The following ODAD2 variants were observed in gnomAD, a reference collection of about 807,000 sequenced individuals.
ODAD2 encodes outer dynein arm docking complex subunit 2.
Under a neutral mutation model 106.8 loss-of-function variants are expected in ODAD2, and 89 were observed. The observed-to-expected ratio is 0.83, with a 90% CI of 0.70 to 0.99. The LOEUF (loss-of-function observed/expected upper bound fraction) is 0.99. ODAD2 is among the 50% of genes least tolerant of loss of function. The probability of loss-of-function intolerance (pLI) is 0.00; values close to 1 mark genes in which losing one functional copy is unlikely to be tolerated. For missense variants in ODAD2, 1,168 were observed against 1,238.5 expected (o/e 0.94, Z 0.85); for synonymous variants, 404 against 436.2 (o/e 0.93, Z 0.92).
At chr10:27,885,769 T>A (rs1330959283) in intron 17 of ODAD2, among the ~76,000 whole-genome samples, 7 of 38,308 alleles carry the variant, frequency 1.8e-4, no homozygotes, top group South Asian at 7.3e-4. Context: ...TTTATATATA[T>A]TATATAAAAT....
chr10:27,872,160 C>T (rs1168901551), intron 17 of ODAD2, among the ~76,000 whole-genome samples: 1 of 151,926 alleles, frequency 6.6e-6, no homozygotes, highest in Admixed American at 6.6e-5. Flanking sequence ...CTCTGTTTGT[C>T]TGTTATTGGT....
chr10:27,935,608 T>C (rs1488532904), intron 15 of ODAD2, among the ~76,000 whole-genome samples: 4 of 152,028 alleles, frequency 2.6e-5, no homozygotes, highest in South Asian at 4.1e-4. Flanking sequence ...ATATGTTATA[T>C]ATTTTTGTTT....
At chr10:27,941,485 C>T (rs1189946888) in intron 12 of ODAD2, among the ~76,000 whole-genome samples, 1 of 132,910 alleles carries the variant, frequency 7.5e-6, no homozygotes, top group Non-Finnish European at 1.6e-5. Flanking sequence ...ATCCTGCCCC[C>T]CGAACCAAAA....
At chr10:27,926,820 A>G (rs775993229) in intron 16 of ODAD2, among the ~76,000 whole-genome samples, 13 of 152,090 alleles carry the variant, frequency 8.5e-5, no homozygotes, top group Non-Finnish European at 1.6e-4. Flanking sequence ...GGTCCCCAAA[A>G]CATAAATGTT....
At position 27,930,013 on chromosome 10, in the gene ODAD2, G is replaced by A. The variant is rs11817707; in HGVS notation, c.2495+4997C>T. Among the ~76,000 whole-genome samples, 1,097 of 151,996 alleles carry A rather than the reference G, an allele frequency of 7.2e-3. 9 individuals carry two copies. Among genetic ancestry groups the A allele is most frequent in the Non-Finnish European group, 0.012 (786 of 67,982 alleles). On this transcript the variant is annotated intron_variant, in intron 16 of 19. Coordinates refer to ENST00000305242, the MANE Select transcript of ODAD2 (RefSeq NM_018076.5). Reference sequence around the variant, plus strand: ...CCTCTTCTTGAGGAATACCAATTACGTTTATGTTGGCTCTCCTTGGGTTCC... The same window carrying A: ...CCTCTTCTTGAGGAATACCAATTACATTTATGTTGGCTCTCCTTGGGTTCC...
rs1564509365 is a variant in ODAD2, at chr10:27,924,013, A to AGAAAGAAAGAAAGAAAGAAAGG, written c.2495+10996_2495+10997insCCTTTCTTTCTTTCTTTCTTTC. ...AAGAAAGAAAGAAAGAAAGAAAGAA[A>AGAAAGAAAGAAAGAAAGAAAGG]GAAAGAAAGAAGGAAAGAGAAAGAA... is the stretch of plus-strand genomic sequence containing the variant. On this transcript the variant is annotated intron_variant, in intron 16 of 19. Transcript: ENST00000305242. Among the ~76,000 whole-genome samples the AGAAAGAAAGAAAGAAAGAAAGG allele has an allele frequency of 2.2e-4, 24 of 109,700 alleles. 3 individuals are homozygous for AGAAAGAAAGAAAGAAAGAAAGG. The East Asian group carries it at 3.0e-3, about 14-fold the overall frequency. The allele number at this position is 109,700 out of a possible 152,430, so 72.0% of individuals were successfully genotyped here.
At chr10:27,865,509 G>A (rs1840373965) in intron 17 of ODAD2, among the ~76,000 whole-genome samples, 1 of 152,096 alleles carries the variant, frequency 6.6e-6, no homozygotes, top group South Asian at 2.1e-4. Context: ...CTCAAGTCTG[G>A]GTTAAGTGGC....
chr10:27,896,390 T>C (rs553987293), intron 17 of ODAD2, among the ~76,000 whole-genome samples: 31 of 152,322 alleles, frequency 2.0e-4, no homozygotes, highest in African/African-American at 7.0e-4. Flanking sequence ...CACTTCTGGA[T>C]TGAAATTCAA....
intron 7 of ODAD2, among the ~76,000 whole-genome samples, chr10:27,980,754 A>G (rs1413341168): frequency 6.6e-6 from 1 of 152,154 alleles, no homozygotes; most frequent in East Asian, 1.9e-4. Flanking sequence ...GCCCCCGTGG[A>G]AAACAGGTTG....
chr10:27,965,936 C>A (rs1224427196), intron 9 of ODAD2, among the ~76,000 whole-genome samples: 3 of 152,200 alleles, frequency 2.0e-5, no homozygotes, highest in African/African-American at 7.2e-5. Context: ...ATGCTTATAT[C>A]AATTCATTCT....
intron 17 of ODAD2, among the ~76,000 whole-genome samples, chr10:27,864,462 G>A (rs1840286007): frequency 6.7e-6 from 1 of 150,318 alleles, no homozygotes; most frequent in Non-Finnish European, 1.5e-5. Flanking sequence ...AATAAAGACT[G>A]TAACTAAAGC....
intron 17 of ODAD2, among the ~76,000 whole-genome samples, chr10:27,894,781 A>C (rs1200581246): frequency 2.6e-5 from 4 of 151,556 alleles, no homozygotes; most frequent in African/African-American, 9.7e-5. Context: ...CCCCCAGCTG[A>C]CCTCAAAATC....
In ODAD2 at chr10:27,862,434, T is replaced by G. The variant is rs1266470956; in HGVS notation, c.2799A>C (p.Thr933=). The G allele has an allele frequency of 6.2e-7, 1 of 1,603,288 alleles. No individual in the cohort carries two copies. Residue 933 remains threonine (T), a splice_region_variant and synonymous_variant, in exon 18 of 20, where the codon ACA becomes ACC. Coordinates refer to ENST00000305242, the MANE Select transcript of ODAD2 (RefSeq NM_018076.5). ...VVPLLSKLAN[T]NNNKLRHHLA... ...TAAAACAAAAAGATGTGTTACTTAC[T>G]GTATTTGCCAGTTTGGACAATAAAG...
intron 15 of ODAD2, among the ~76,000 whole-genome samples, chr10:27,936,454 T>G (rs1367243835): frequency 6.6e-6 from 1 of 152,206 alleles, no homozygotes; most frequent in African/African-American, 2.4e-5. Context: ...AAGATATTTC[T>G]AATTCAAATG....
Position 27,885,509 on chromosome 10 carries a change from CAAAAA to C in ODAD2, c.2610+22149_2610+22153del, listed in dbSNP as rs781326915. 7.0e-3 allele frequency among the ~76,000 whole-genome samples: 139 copies of C among 19,808 alleles called. 7 individuals are homozygous for C. Among genetic ancestry groups the C allele is most frequent in the African/African-American group, 0.038 (125 of 3,254 alleles). 13.0% of individuals were successfully genotyped at this position (19,808 alleles called of 152,430 possible). On this transcript the variant is annotated intron_variant, in intron 17 of 19. Coordinates refer to ENST00000305242, the MANE Select transcript of ODAD2 (RefSeq NM_018076.5). ...TGGGTGACAGAGTGAGACTCCATCTCAAAAAAAAAAAAAAAAAAAAAAAAATATAT... is the reference window on the plus strand; with the variant it reads ...TGGGTGACAGAGTGAGACTCCATCTCAAAAAAAAAAAAAAAAAAAATATAT...
At chr10:27,953,335 T>G (rs1314059604) in intron 10 of ODAD2, among the ~76,000 whole-genome samples, 12 of 152,200 alleles carry the variant, frequency 7.9e-5, no homozygotes, top group Non-Finnish European at 2.9e-5. Context: ...CACAGTTCAT[T>G]CCAATAAAAA....
intron 19 of ODAD2, among the ~76,000 whole-genome samples, chr10:27,815,319 C>T (rs2132784882): frequency 6.6e-6 from 1 of 152,302 alleles, no homozygotes; most frequent in African/African-American, 2.4e-5. Context: ...ACGTCTTACA[C>T]ATTAAAAATA....
At chr10:27,956,544 C>T (rs564538128) in intron 10 of ODAD2, among the ~76,000 whole-genome samples, 34 of 152,250 alleles carry the variant, frequency 2.2e-4, no homozygotes, top group African/African-American at 7.7e-4. Context: ...GGCATCTTAT[C>T]CTGTAGTGAC....
rs34844763 is a variant in ODAD2, at chr10:27,835,925, C to CAA, written c.3022-23302_3022-23301dup. The CAA allele has an allele frequency of 1.5e-4, 20 of 129,686 alleles. 1 individual carries two copies. The highest frequency in any genetic ancestry group is 5.2e-4 in the African/African-American group (18 of 34,888). 8.0% of individuals were successfully genotyped at this position (129,686 alleles called of 1,614,324 possible). ...TGGGTGACAAGAGTGAAAATCCCAT[C>CAA]AAAAAAAAAAAAAGGAAAAGAAAAT... On this transcript the variant is annotated intron_variant, in intron 19 of 19. Transcript: ENST00000305242.
Sources: gnomAD v4.1 joint callset for allele counts (sites outside exome capture counted in the v4.1 genomes callset) on GRCh38, gnomAD v4.1.1 for gene constraint, MANE v1.5 for transcripts, NCBI Gene and HGNC (gene_info 2026-07-23, HGNC 2026-07-21) for gene names.